UBFD1: variants seen among roughly 807,000 people sequenced by gnomAD.
UBFD1 encodes the protein ubiquitin domain-containing protein UBFD1.
In UBFD1, 12 loss-of-function variants were observed where a neutral mutation model predicts 35.1. The observed-to-expected ratio is 0.34, with a 90% CI of 0.22 to 0.55. UBFD1 has a LOEUF of 0.55. UBFD1 is among the 20% of genes least tolerant of loss of function. UBFD1 has a pLI of 0.89. For missense variants in UBFD1, 337 were observed against 410.8 expected, an observed-to-expected ratio of 0.82 and a Z score of 1.55; for synonymous variants, 178 against 167.6, an observed-to-expected ratio of 1.06 and a Z score of -0.48.
rs774522242 is a variant in UBFD1, at chr16:23,559,506, C to T, written c.394C>T (p.Leu132Phe). The change falls in exon 3 of 7, where the codon CTC becomes TTC. Residue 132 changes from leucine (L) to phenylalanine (F), a missense_variant. Physicochemically the swap from Leu to Phe is conservative, Grantham distance 22. Transcript: ENST00000395878. ...CATGCAGAAAGTCATGTATAAGGGA[C>T]TCGTCCCCGAGGATAAAACATTGAG... ...PAMQKVMYKG[L>F]VPEDKTLREI... 6.2e-7 allele frequency: 1 copy of T among 1,614,110 alleles called. No individual in the cohort carries two copies. Among genetic ancestry groups the T allele is most frequent in the South Asian group, 1.1e-5 (1 of 91,032 alleles).
At chr16:23,562,553 C>A in intron 4 of UBFD1, 72 bp from the exon 5 acceptor site, 3 of 1,418,720 alleles carry the variant, frequency 2.1e-6, no homozygotes, top group South Asian at 2.5e-5. Flanking sequence ...CAGGCGTGAG[C>A]CACCGCGCTT....
chr16:23,558,529 T>C (rs1965866241), intron 2 of UBFD1, among the ~76,000 whole-genome samples: 1 of 152,230 alleles, frequency 6.6e-6, no homozygotes, highest in Non-Finnish European at 1.5e-5. Flanking sequence ...GATGTTGCTC[T>C]AACATCTCTA....
intron 3 of UBFD1, among the ~76,000 whole-genome samples, chr16:23,561,356 G>A (rs1965930815): frequency 6.6e-6 from 1 of 152,130 alleles, no homozygotes; most frequent in African/African-American, 2.4e-5. Context: ...TCCATTCATT[G>A]TCCCCTAGTT....
chr16:23,560,027 T>G (rs1003925390), intron 3 of UBFD1: 1 of 337,964 alleles, frequency 3.0e-6, no homozygotes, highest in African/African-American at 2.2e-5. Context: ...GTACAAGTGC[T>G]TACATTTGGC....
chr16:23,562,366 GTTT>G (rs371873073), intron 4 of UBFD1, 95 bp downstream of exon 4: 20 of 934,774 alleles, frequency 2.1e-5, no homozygotes, highest in Non-Finnish European at 2.5e-5. Flanking sequence ...TTTTTTCCCT[GTTT>G]TTTTTTTTTT....
At chr16:23,564,289 C>T (rs557734535) in intron 5 of UBFD1, among the ~76,000 whole-genome samples, 30 of 152,282 alleles carry the variant, frequency 2.0e-4, no homozygotes, top group African/African-American at 6.7e-4. Context: ...GTGTTCAACC[C>T]TATACTGATT....
intron 6 of UBFD1, chr16:23,569,784 C>T (rs1003033762): frequency 6.6e-6 from 1 of 152,294 alleles, no homozygotes; most frequent in Admixed American, 6.5e-5. Flanking sequence ...TTGATTTACA[C>T]GTGTATCCAC....
chr16:23,563,144 C>T (rs915646608), intron 5 of UBFD1, among the ~76,000 whole-genome samples: 1 of 151,260 alleles, frequency 6.6e-6, no homozygotes, highest in Non-Finnish European at 1.5e-5. Flanking sequence ...CCTGCATTCT[C>T]ACATGGCATC....
rs1965861990 is a variant in UBFD1 at position 23,558,403 on chromosome 16, A to G, written c.355+124A>G. The G allele has an allele frequency of 3.2e-6, 4 of 1,237,372 alleles. No individual in the cohort carries two copies. The South Asian group carries it at 4.6e-5, about 14-fold the overall frequency. 76.6% of individuals were successfully genotyped at this position (1,237,372 alleles called of 1,614,324 possible). On this transcript the variant is annotated intron_variant, in intron 2 of 6. Coordinates refer to ENST00000395878, the MANE Select transcript of UBFD1 (RefSeq NM_019116.3). ...CCCCATCCTTACAGCAGTCTTCTGA[A>G]GGATACTTGGATGCCCATTACTCAG...
rs1327620874 is a variant in UBFD1, at chr16:23,572,813, CT to C, written c.*2227del. 2 of 152,414 alleles carry C rather than the reference CT, an allele frequency of 1.3e-5. No individual in the cohort carries two copies. The highest frequency in any genetic ancestry group is 2.9e-5 in the Non-Finnish European group (2 of 68,038). The allele number at this position is 152,414 out of a possible 1,614,324, so 9.4% of individuals were successfully genotyped here. On this transcript the variant is annotated 3_prime_UTR_variant, in exon 7 of 7. Transcript: ENST00000395878. The stretch of plus-strand genomic sequence containing the variant: ...ATATAAATAATAATGTAAATGACAC[CT>C]TTTCGTACGGAGCTGTTTGAGTATT...
At chr16:23,561,215 GGAGT>G (rs1965928439) in intron 3 of UBFD1, among the ~76,000 whole-genome samples, 1 of 152,240 alleles carries the variant, frequency 6.6e-6, no homozygotes, top group Admixed American at 6.5e-5. Context: ...GGTGATGTCT[GGAGT>G]GACTTTTTGC....
At chr16:23,567,254 T>C (rs1966024020) in intron 6 of UBFD1, among the ~76,000 whole-genome samples, 185 bp downstream of exon 6, 1 of 152,188 alleles carries the variant, frequency 6.6e-6, no homozygotes. Context: ...CTAGTTCTGT[T>C]TATTTTACAC....
intron 5 of UBFD1, chr16:23,566,738 T>A: frequency 2.5e-6 from 1 of 397,546 alleles, no homozygotes; most frequent in Non-Finnish European, 4.5e-6. Context: ...AATTCTGCCC[T>A]CAGAGACCTT....
At position 23,559,362 on chromosome 16, in the gene UBFD1, T is replaced by C. The variant is rs1310872142; in HGVS notation, c.356-106T>C. The C allele has an allele frequency of 3.3e-6, 3 of 918,952 alleles. No homozygotes were observed. In the African/African-American group the frequency reaches 5.0e-5, roughly 15 times the overall value. 56.9% of individuals were successfully genotyped at this position (918,952 alleles called of 1,614,324 possible). On this transcript the variant is annotated intron_variant, in intron 2 of 6. Transcript: ENST00000395878. ...CCAAGTTCACAAAGCTAATAGGTGG[T>C]GGAGGCAGTATTCACTTTTTGGTCT...
intron 2 of UBFD1, chr16:23,559,168 A>G (rs181883887): frequency 2.9e-5 from 7 of 238,430 alleles, no homozygotes; most frequent in Admixed American, 2.1e-4. Flanking sequence ...CTGAGGAACA[A>G]CTTGGAAAGA....
At chr16:23,567,572 A>G (rs1471582028) in intron 6 of UBFD1, among the ~76,000 whole-genome samples, 2 of 152,354 alleles carry the variant, frequency 1.3e-5, no homozygotes, top group African/African-American at 2.4e-5. Context: ...TCTATTCTGC[A>G]TAGAACCCAC....
At position 23,557,779 on chromosome 16, in the gene UBFD1, G is replaced by C. The variant is rs1597033808; in HGVS notation, c.25+12G>C. The C allele has an allele frequency of 3.9e-6, 5 of 1,282,304 alleles. No homozygotes were observed. Among genetic ancestry groups the C allele is most frequent in the East Asian group, 6.2e-5 (2 of 32,014 alleles). The allele number at this position is 1,282,304 out of a possible 1,614,324, so 79.4% of individuals were successfully genotyped here. Reference sequence around the variant, plus strand: ...CGGGGCCCCGGATGGTGAGTGCGGCGGGGGTGGCGGGCGCCGGGCCGGGGC... The same window carrying C: ...CGGGGCCCCGGATGGTGAGTGCGGCCGGGGTGGCGGGCGCCGGGCCGGGGC... On this transcript the variant is annotated intron_variant, in intron 1 of 6. Transcript: ENST00000395878.
intron 5 of UBFD1, chr16:23,564,521 A>C (rs905447213): frequency 6.6e-6 from 1 of 152,198 alleles, no homozygotes; most frequent in Non-Finnish European, 1.5e-5. Context: ...TATCAGTAGT[A>C]AGCTGCCCAG....
chr16:23,558,760 C>A (rs1460451654), intron 2 of UBFD1, among the ~76,000 whole-genome samples: 1 of 151,262 alleles, frequency 6.6e-6, no homozygotes, highest in African/African-American at 2.4e-5. Context: ...TCTTTGCCAT[C>A]TGAGATTTCT....
Sources: gnomAD v4.1 joint callset for allele counts (sites outside exome capture counted in the v4.1 genomes callset) on GRCh38, gnomAD v4.1.1 for gene constraint, MANE v1.5 for transcripts, NCBI Gene and HGNC (gene_info 2026-07-23, HGNC 2026-07-21) for gene names.